Variants in NKAIN2 observed in about 807,000 individuals in gnomAD.
NKAIN2 encodes sodium/potassium transporting ATPase interacting 2, also known as sodium/potassium-transporting ATPase subunit beta-1-interacting protein 2.
Under a neutral mutation model 32.6 loss-of-function variants are expected in NKAIN2, and 14 were observed. The ratio of observed to expected loss-of-function variants is 0.43; its 90% CI spans 0.28 to 0.67. The LOEUF is 0.67. Ranked by LOEUF, NKAIN2 falls within the 30% of genes least tolerant of loss-of-function variation. NKAIN2 has a pLI of 0.17. For synonymous variants in NKAIN2, 80 were observed against 87.2 expected (o/e 0.92, Z 0.46); for missense variants, 198 against 258.3 (o/e 0.77, Z 1.60).
chr6:124,351,432 G>C (rs13212296), intron 2 of NKAIN2, among the ~76,000 whole-genome samples: 1 of 150,738 alleles, frequency 6.6e-6, no homozygotes, highest in African/African-American at 2.4e-5. Flanking sequence ...CTGAACCAGT[G>C]CAGTTGAGGC....
intron 3 of NKAIN2, among the ~76,000 whole-genome samples, chr6:124,654,796 A>G (rs1418992482): frequency 6.6e-6 from 1 of 152,208 alleles, no homozygotes; most frequent in Non-Finnish European, 1.5e-5. Context: ...TACAAGCCAC[A>G]GAATGCCAAA....
chr6:124,740,458 G>GTGTGTGT (rs1420495708), intron 4 of NKAIN2, among the ~76,000 whole-genome samples: 2 of 150,426 alleles, frequency 1.3e-5, no homozygotes, highest in African/African-American at 4.9e-5. Context: ...GTGTGTGTGT[G>GTGTGTGT]TGTGTGTGTG....
intron 3 of NKAIN2, among the ~76,000 whole-genome samples, chr6:124,435,690 T>C (rs368020968): frequency 6.6e-6 from 1 of 152,160 alleles, no homozygotes; most frequent in African/African-American, 2.4e-5. Flanking sequence ...AGAGGAAGTC[T>C]TTGCTGGATA....
intron 3 of NKAIN2, among the ~76,000 whole-genome samples, chr6:124,468,408 G>A (rs189206768): frequency 2.1e-3 from 312 of 152,094 alleles, no homozygotes; most frequent in African/African-American, 7.2e-3. Flanking sequence ...GCTAGTTGGC[G>A]AATCTTCTAA....
intron 4 of NKAIN2, among the ~76,000 whole-genome samples, chr6:124,748,902 A>G (rs947833013): frequency 4.0e-5 from 6 of 151,032 alleles, no homozygotes; most frequent in Non-Finnish European, 8.8e-5. Context: ...TTGCAGCTGT[A>G]ACAAGGAACC....
At chr6:124,482,152 C>G (rs541481068) in intron 3 of NKAIN2, among the ~76,000 whole-genome samples, 1 of 152,226 alleles carries the variant, frequency 6.6e-6, no homozygotes, top group East Asian at 1.9e-4. Context: ...TTACAAACCT[C>G]TCAAAAATTG....
intron 4 of NKAIN2, among the ~76,000 whole-genome samples, chr6:124,720,725 T>C (rs1411873143): frequency 6.6e-6 from 1 of 152,130 alleles, no homozygotes; most frequent in East Asian, 1.9e-4. Flanking sequence ...GGGCGACACC[T>C]CAGTCCCAGT....
At chr6:124,680,078 CAAT>C in intron 4 of NKAIN2, among the ~76,000 whole-genome samples, 1 of 152,190 alleles carries the variant, frequency 6.6e-6, no homozygotes, top group Middle Eastern at 3.4e-3. Flanking sequence ...TTCTATTAGG[CAAT>C]AATAACAAAT....
At chr6:124,247,963 A>G (rs1793498232) in intron 1 of NKAIN2, among the ~76,000 whole-genome samples, 1 of 152,096 alleles carries the variant, frequency 6.6e-6, no homozygotes, top group Non-Finnish European at 1.5e-5. Context: ...TGTTGAAATA[A>G]TCAATGCATA....
At chr6:124,097,918 C>A (rs1784711853) in intron 1 of NKAIN2, among the ~76,000 whole-genome samples, 1 of 152,090 alleles carries the variant, frequency 6.6e-6, no homozygotes, top group African/African-American at 2.4e-5. Flanking sequence ...TACGCTGAAA[C>A]CTGATATCTT....
intron 1 of NKAIN2, among the ~76,000 whole-genome samples, chr6:123,941,249 C>G (rs1776807189): frequency 6.6e-6 from 1 of 151,676 alleles, no homozygotes; most frequent in African/African-American, 2.4e-5. Context: ...TCCTGAAGGA[C>G]TGCTTGATGC....
intron 3 of NKAIN2, among the ~76,000 whole-genome samples, chr6:124,362,492 A>G (rs1469959090): frequency 1.3e-5 from 2 of 151,892 alleles, no homozygotes; most frequent in Non-Finnish European, 2.9e-5. Context: ...TCCTTTTACT[A>G]CCCCTAAAGT....
At chr6:124,669,050 T>C (rs1026333104) in intron 4 of NKAIN2, among the ~76,000 whole-genome samples, 1 of 152,112 alleles carries the variant, frequency 6.6e-6, no homozygotes, top group Non-Finnish European at 1.5e-5. Flanking sequence ...GGCAGTAGTA[T>C]GGATTTTTCT....
chr6:124,271,074 T>C (rs1190350408), intron 1 of NKAIN2, among the ~76,000 whole-genome samples: 4 of 152,154 alleles, frequency 2.6e-5, no homozygotes, highest in Non-Finnish European at 5.9e-5. Flanking sequence ...ACAGATCTGA[T>C]GGATTTATAA....
intron 1 of NKAIN2, among the ~76,000 whole-genome samples, chr6:124,122,261 G>A (rs1264103047): frequency 2.0e-5 from 3 of 151,828 alleles, no homozygotes; most frequent in African/African-American, 4.8e-5. Flanking sequence ...AGATCACGTA[G>A]TATATATATA....
chr6:123,898,836 G>A (rs568692656), intron 1 of NKAIN2, among the ~76,000 whole-genome samples: 2 of 152,274 alleles, frequency 1.3e-5, no homozygotes, highest in South Asian at 2.1e-4. Context: ...ACCATGGCCT[G>A]GAAGGGCGAG....
intron 3 of NKAIN2, among the ~76,000 whole-genome samples, chr6:124,532,728 A>C (rs1362506826): frequency 6.6e-6 from 1 of 152,304 alleles, no homozygotes; most frequent in South Asian, 2.1e-4. Context: ...TTGCAGCCAA[A>C]CCTTTCCTGT....
chr6:124,591,845 C>T (rs1363163638), intron 3 of NKAIN2, among the ~76,000 whole-genome samples: 1 of 152,038 alleles, frequency 6.6e-6, no homozygotes. Context: ...AGGACAGAGA[C>T]ATGAACAGGA....
At chr6:124,193,171 A>G (rs1464678073) in intron 1 of NKAIN2, among the ~76,000 whole-genome samples, 1 of 152,174 alleles carries the variant, frequency 6.6e-6, no homozygotes, top group African/African-American at 2.4e-5. Context: ...CTGGCTGGAA[A>G]CTTGTGGCCA....
Sources: gnomAD v4.1 joint callset for allele counts (sites outside exome capture counted in the v4.1 genomes callset) on GRCh38, gnomAD v4.1.1 for gene constraint, MANE v1.5 for transcripts, NCBI Gene and HGNC (gene_info 2026-07-23, HGNC 2026-07-21) for gene names.